CNTNAP2: variants seen among roughly 807,000 people sequenced by gnomAD.
CNTNAP2 encodes the protein contactin associated protein 2.
In CNTNAP2, 98 loss-of-function variants were observed where a neutral mutation model predicts 155.2. The observed-to-expected ratio is 0.63, with a 90% CI of 0.54 to 0.75. CNTNAP2 has a LOEUF of 0.75. Among genes scored for constraint, CNTNAP2 ranks in the 30% least tolerant of loss-of-function variants. The pLI, the probability that CNTNAP2 is intolerant of heterozygous loss-of-function variation, is 0.00. For missense variants in CNTNAP2, 1,727 were observed against 1,688.1 expected, an observed-to-expected ratio of 1.02 and a Z score of -0.40; for synonymous variants, 651 against 631.2, an observed-to-expected ratio of 1.03 and a Z score of -0.47.
At chr7:146,178,613 T>A (rs932039218) in intron 1 of CNTNAP2, among the ~76,000 whole-genome samples, 12 of 152,168 alleles carry the variant, frequency 7.9e-5, no homozygotes, top group Admixed American at 3.3e-4. Context: ...TCTGTGTGAT[T>A]AACATTTTAA....
At chr7:148,415,036 C>T in intron 23 of CNTNAP2, 1 of 350,930 alleles carries the variant, frequency 2.8e-6, no homozygotes, top group Non-Finnish European at 5.4e-6. Flanking sequence ...TCTTGTGCTG[C>T]CCCTCCCTAC....
At chr7:147,686,462 G>A (rs1796019255) in intron 13 of CNTNAP2, among the ~76,000 whole-genome samples, 1 of 152,024 alleles carries the variant, frequency 6.6e-6, no homozygotes, top group Non-Finnish European at 1.5e-5. Flanking sequence ...TTGAATTTCA[G>A]AGAAGAGGTG....
intron 9 of CNTNAP2, among the ~76,000 whole-genome samples, chr7:147,391,206 A>G (rs1042266133): frequency 6.6e-6 from 1 of 152,200 alleles, no homozygotes; most frequent in Non-Finnish European, 1.5e-5. Context: ...GGAGAAAATA[A>G]GAGAGACAAG....
At chr7:147,520,624 C>G (rs1799214839) in intron 11 of CNTNAP2, among the ~76,000 whole-genome samples, 1 of 152,218 alleles carries the variant, frequency 6.6e-6, no homozygotes, top group African/African-American at 2.4e-5. Flanking sequence ...CATTTGGTGT[C>G]TGTCTTCCCA....
intron 1 of CNTNAP2, among the ~76,000 whole-genome samples, chr7:146,773,985 A>C (rs1241416897): frequency 6.6e-6 from 1 of 152,180 alleles, no homozygotes; most frequent in African/African-American, 2.4e-5. Flanking sequence ...TATTACAGGA[A>C]CAAGCTCAAT....
intron 2 of CNTNAP2, among the ~76,000 whole-genome samples, chr7:146,804,182 C>A (rs918198664): frequency 2.0e-5 from 3 of 152,050 alleles, no homozygotes; most frequent in Non-Finnish European, 4.4e-5. Flanking sequence ...AAGATGCTCC[C>A]CTCCTCTGTA....
At chr7:147,121,515 C>A (rs1801110808) in intron 6 of CNTNAP2, 1 of 220,606 alleles carries the variant, frequency 4.5e-6, no homozygotes, top group Non-Finnish European at 9.2e-6. Context: ...ACATTATATG[C>A]AGAGGGTTGT....
intron 1 of CNTNAP2, among the ~76,000 whole-genome samples, chr7:146,218,022 A>G (rs1444325226): frequency 2.6e-5 from 4 of 152,152 alleles, no homozygotes; most frequent in African/African-American, 9.7e-5. Flanking sequence ...AAAAAGATCA[A>G]TGTATGGACC....
chr7:147,220,804 C>T (rs1803379932), intron 8 of CNTNAP2, among the ~76,000 whole-genome samples: 1 of 152,072 alleles, frequency 6.6e-6, no homozygotes, highest in Admixed American at 6.6e-5. Flanking sequence ...ACCTCCACCT[C>T]CCAAGTTCCA....
At chr7:148,396,231 CTA>C (rs60190574) in intron 22 of CNTNAP2, among the ~76,000 whole-genome samples, 16,295 of 152,170 alleles carry the variant, frequency 0.11, 1,771 homozygotes, top group African/African-American at 0.28. Flanking sequence ...TACAGGAATG[CTA>C]TGAGTAGCCC....
At chr7:147,873,061 G>T (rs573007794) in intron 13 of CNTNAP2, among the ~76,000 whole-genome samples, 1 of 152,270 alleles carries the variant, frequency 6.6e-6, no homozygotes, top group South Asian at 2.1e-4. Context: ...AATGTTAATT[G>T]ATTGTACTTA....
At chr7:146,863,143 T>C (rs1264044885) in intron 3 of CNTNAP2, among the ~76,000 whole-genome samples, 1 of 152,084 alleles carries the variant, frequency 6.6e-6, no homozygotes. Flanking sequence ...GAATGAAGAG[T>C]GAACCTGTAT....
At chr7:146,991,320 T>C (rs1798204236) in intron 3 of CNTNAP2, among the ~76,000 whole-genome samples, 2 of 152,136 alleles carry the variant, frequency 1.3e-5, no homozygotes, top group African/African-American at 4.8e-5. Flanking sequence ...CTAGAGAATT[T>C]AATTCAAATG....
intron 3 of CNTNAP2, among the ~76,000 whole-genome samples, chr7:147,004,613 T>G (rs1798491565): frequency 6.6e-6 from 1 of 152,038 alleles, no homozygotes; most frequent in African/African-American, 2.4e-5. Flanking sequence ...CTTTTACAAA[T>G]AGTTAAACTG....
intron 1 of CNTNAP2, among the ~76,000 whole-genome samples, chr7:146,518,036 G>GTT (rs1400190341): frequency 6.6e-6 from 1 of 151,660 alleles, no homozygotes; most frequent in Non-Finnish European, 1.5e-5. Context: ...AACGCATAAG[G>GTT]TGGTACCCTG....
chr7:148,269,609 G>A (rs1796738685), intron 21 of CNTNAP2, among the ~76,000 whole-genome samples: 2 of 152,240 alleles, frequency 1.3e-5, no homozygotes, highest in Non-Finnish European at 1.5e-5. Flanking sequence ...TACTGGCAAA[G>A]CAGAGTTTGG....
intron 9 of CNTNAP2, among the ~76,000 whole-genome samples, chr7:147,308,532 A>G (rs1795070680): frequency 6.6e-6 from 1 of 152,186 alleles, no homozygotes; most frequent in African/African-American, 2.4e-5. Flanking sequence ...GTGAAAGCCA[A>G]AGGGTCAAGG....
intron 1 of CNTNAP2, among the ~76,000 whole-genome samples, chr7:146,404,342 G>A (rs7780801): frequency 0.39 from 59,203 of 151,844 alleles, 12,721 homozygotes; most frequent in African/African-American, 0.56. Context: ...TGCATGGTTG[G>A]GCCGCAAACC....
chr7:146,411,443 C>T (rs1027327842), intron 1 of CNTNAP2, among the ~76,000 whole-genome samples: 1 of 151,802 alleles, frequency 6.6e-6, no homozygotes, highest in Non-Finnish European at 1.5e-5. Context: ...GGTGAGAGCC[C>T]CTGTGCCCGG....
Sources: gnomAD v4.1 joint callset for allele counts (sites outside exome capture counted in the v4.1 genomes callset) on GRCh38, gnomAD v4.1.1 for gene constraint, MANE v1.5 for transcripts, NCBI Gene and HGNC (gene_info 2026-07-23, HGNC 2026-07-21) for gene names.